The following CLHC1 variants were observed in gnomAD, a reference collection of about 807,000 sequenced individuals.
CLHC1 encodes clathrin heavy chain linker domain-containing protein 1.
CLHC1 carries 72 observed loss-of-function variants against 69.5 expected under a neutral mutation model. That is an observed-to-expected ratio of 1.04 (90% CI 0.86 to 1.26). The LOEUF (loss-of-function observed/expected upper bound fraction) is 1.26, where lower values mean the gene tolerates loss of function less well. CLHC1 is among the 50% of genes most tolerant of loss of function. The pLI is 0.00. For missense variants in CLHC1, 790 were observed against 679.3 expected (o/e 1.16, Z -1.81); for synonymous variants, 223 against 224.3 (o/e 0.99, Z 0.05).
chr2:55,184,919 A>AAACAC (rs1553343500), intron 9 of CLHC1, among the ~76,000 whole-genome samples: 3 of 126,094 alleles, frequency 2.4e-5, no homozygotes, highest in Middle Eastern at 4.0e-3. Context: ...AAAAAAACAA[A>AAACAC]ACACACACAC....
intron 2 of CLHC1, 108 bp from the exon 3 acceptor site, chr2:55,222,601 G>C: frequency 2.1e-6 from 1 of 482,726 alleles, no homozygotes; most frequent in Non-Finnish European, 3.6e-6. Flanking sequence ...CTGTCTCTGT[G>C]ATAAATACTT....
intron 9 of CLHC1, among the ~76,000 whole-genome samples, chr2:55,187,233 C>T (rs535007101): frequency 6.9e-4 from 105 of 151,538 alleles, no homozygotes; most frequent in Non-Finnish European, 1.2e-3. Flanking sequence ...GGGCCGGGAT[C>T]GCGCCATTGC....
At chr2:55,222,552 G>T in intron 2 of CLHC1, 59 bp from the exon 3 acceptor site, 1 of 594,896 alleles carries the variant, frequency 1.7e-6, no homozygotes, top group Non-Finnish European at 2.8e-6. Flanking sequence ...GTCAAATATT[G>T]ATCTAAAAAT....
At chr2:55,194,172 T>C (rs1354724133) in intron 9 of CLHC1, among the ~76,000 whole-genome samples, 1 of 152,206 alleles carries the variant, frequency 6.6e-6, no homozygotes, top group Admixed American at 6.5e-5. Context: ...TTTGTAATGA[T>C]GAAAATGTTC....
At chr2:55,201,527 G>T (rs1355271083) in intron 9 of CLHC1, among the ~76,000 whole-genome samples, 3 of 152,008 alleles carry the variant, frequency 2.0e-5, no homozygotes, top group Admixed American at 2.0e-4. Flanking sequence ...GTAATATAAG[G>T]TCTTCCTGAA....
At chr2:55,231,120 G>T (rs1269820865) in intron 1 of CLHC1, among the ~76,000 whole-genome samples, 1 of 151,902 alleles carries the variant, frequency 6.6e-6, no homozygotes, top group African/African-American at 2.4e-5. Context: ...TGTGGTGGTG[G>T]GCGCCTGTAA....
chr2:55,224,512 T>G, intron 2 of CLHC1: 1 of 336,348 alleles, frequency 3.0e-6, no homozygotes, highest in Non-Finnish European at 6.1e-6. Flanking sequence ...GTACTCGGAG[T>G]GATCCTGGAG....
At chr2:55,226,720 T>C (rs1674743846) in intron 2 of CLHC1, among the ~76,000 whole-genome samples, 1 of 152,206 alleles carries the variant, frequency 6.6e-6, no homozygotes, top group African/African-American at 2.4e-5. Context: ...CAACCTTCAC[T>C]TTCTGAATTC....
intron 9 of CLHC1, among the ~76,000 whole-genome samples, chr2:55,200,263 A>T (rs958876129): frequency 4.7e-5 from 7 of 148,006 alleles, no homozygotes; most frequent in East Asian, 2.0e-4. Context: ...TGAGTAGATA[A>T]AAAAAAAAGA....
chr2:55,210,533 G>T (rs920220105), intron 5 of CLHC1, among the ~76,000 whole-genome samples: 10 of 152,068 alleles, frequency 6.6e-5, no homozygotes, highest in African/African-American at 2.2e-4. Flanking sequence ...ATGAAGACTC[G>T]GTGAAGACTG....
Position 55,175,990 on chromosome 2 carries a change from T to C in CLHC1, c.1565-4A>G, listed in dbSNP as rs748132453. ...ATCATAAGACTTTCTACTGCATCTGTGGGGAAAAAATACAATATTATAGTA... is the reference window on the plus strand; with the variant it reads ...ATCATAAGACTTTCTACTGCATCTGCGGGGAAAAAATACAATATTATAGTA... On this transcript the variant is annotated splice_polypyrimidine_tract_variant and splice_region_variant and intron_variant, in intron 12 of 12. Transcript: ENST00000401408. 2 of 1,610,140 alleles carry C rather than the reference T, an allele frequency of 1.2e-6. No homozygotes were observed. Among genetic ancestry groups the C allele is most frequent in the South Asian group, 2.2e-5 (2 of 90,906 alleles).
At position 55,175,745 on chromosome 2, in the gene CLHC1, A is replaced by T. The variant is rs1669324650; in HGVS notation, c.*45T>A. On this transcript the variant is annotated 3_prime_UTR_variant, in exon 13 of 13. Transcript: ENST00000401408. ...AAAATCAGTTTTTCCCAACCAGCATACATAAGGTGTTGTACAAGCTCCCTC... is the reference window on the plus strand; with the variant it reads ...AAAATCAGTTTTTCCCAACCAGCATTCATAAGGTGTTGTACAAGCTCCCTC... 3.6e-6 allele frequency: 5 copies of T among 1,405,288 alleles called. No individual in the cohort carries two copies. The East Asian group carries it at 1.1e-4, about 32-fold the overall frequency. 87.1% of individuals were successfully genotyped at this position (1,405,288 alleles called of 1,614,324 possible).
At chr2:55,201,151 A>G (rs904454965) in intron 9 of CLHC1, among the ~76,000 whole-genome samples, 1 of 152,212 alleles carries the variant, frequency 6.6e-6, no homozygotes, top group Admixed American at 6.5e-5. Context: ...AACCAAACCC[A>G]AAGTTTTTAG....
chr2:55,177,641 C>A lies in CLHC1; in HGVS notation c.1525G>T (p.Gly509Cys). 6.2e-7 allele frequency: 1 copy of A among 1,607,590 alleles called. No individual in the cohort carries two copies. Among genetic ancestry groups the A allele is most frequent in the Non-Finnish European group, 8.5e-7 (1 of 1,176,740 alleles). Residue 509 changes from glycine to cysteine, a missense_variant, in exon 12 of 13, where the codon GGC becomes TGC. Transcript: ENST00000401408. ...HLFSADMKKV[G>C]IKLLQEINKG... ...TTGATTTCTTGAAGTAGCTTAATGCCAACTTTTTTCATGTCTGCAGAGAAC... is the reference window on the plus strand; with the variant it reads ...TTGATTTCTTGAAGTAGCTTAATGCAAACTTTTTTCATGTCTGCAGAGAAC...
intron 2 of CLHC1, among the ~76,000 whole-genome samples, chr2:55,223,810 T>C (rs1674415102): frequency 6.6e-6 from 1 of 151,914 alleles, no homozygotes; most frequent in South Asian, 2.1e-4. Flanking sequence ...TTTTTTTTTT[T>C]TTTGAGACGG....
chr2:55,184,075 G>A (rs1443402048), intron 9 of CLHC1, among the ~76,000 whole-genome samples: 1 of 151,056 alleles, frequency 6.6e-6, no homozygotes, highest in Non-Finnish European at 1.5e-5. Context: ...TACCATGCTC[G>A]GCCTGTTTTC....
chr2:55,209,558 T>C, intron 6 of CLHC1, 42 bp from the exon 7 acceptor site: 1 of 1,578,892 alleles, frequency 6.3e-7, no homozygotes, highest in Non-Finnish European at 8.7e-7. Flanking sequence ...GAGCCTAAAA[T>C]CAAATGGTGG....
rs1337608701 is a variant in CLHC1 at position 55,175,681 on chromosome 2, ATCT to A, written c.*106_*108del. ...AACAAAAGTGTGATTTATTTCTGAG[ATCT>A]TCTTACTCTAGATTTATTTATAAGT... On this transcript the variant is annotated 3_prime_UTR_variant, in exon 13 of 13. Transcript: ENST00000401408. 9 of 669,050 alleles carry A rather than the reference ATCT, an allele frequency of 1.3e-5. No homozygotes were observed. Among genetic ancestry groups the A allele is most frequent in the Non-Finnish European group, 2.3e-5 (9 of 399,154 alleles). 41.4% of individuals were successfully genotyped at this position (669,050 alleles called of 1,614,324 possible).
Position 55,209,757 on chromosome 2 carries a change from C to G in CLHC1, c.574G>C (p.Glu192Gln). The change falls in exon 6 of 13, where the codon GAA becomes CAA. Residue 192 changes from glutamate to glutamine, a missense_variant. Coordinates refer to ENST00000401408, the MANE Select transcript of CLHC1 (RefSeq NM_152385.4). ...YMKHLEDKYA[E>Q]IKQAMLIKYV... ...TTTATCAACATAGCTTGTTTAATTTCTGCATATTTATCTTCAAGATGTTTC... is the reference window on the plus strand; with the variant it reads ...TTTATCAACATAGCTTGTTTAATTTGTGCATATTTATCTTCAAGATGTTTC... The G allele has an allele frequency of 6.2e-7, 1 of 1,611,978 alleles. No individual in the cohort carries two copies. The highest frequency in any genetic ancestry group is 1.1e-5 in the South Asian group (1 of 91,044).
Sources: allele counts gnomAD v4.1 joint callset (sites outside exome capture counted in the v4.1 genomes callset), GRCh38; gene constraint gnomAD v4.1.1; transcripts MANE v1.5; gene names NCBI Gene and HGNC (gene_info 2026-07-23, HGNC 2026-07-21).